Variants in ANKRD36B observed in about 807,000 individuals in gnomAD.
ANKRD36B encodes the protein ankyrin repeat domain-containing protein 36B.
ANKRD36B carries 37 observed loss-of-function variants against 135.7 expected under a neutral mutation model. The observed-to-expected ratio is 0.27, with a 90% CI of 0.21 to 0.36. The LOEUF is 0.36. Among genes scored for constraint, ANKRD36B ranks in the 10% least tolerant of loss-of-function variants. ANKRD36B has a pLI of 1.00. For synonymous variants in ANKRD36B, 179 were observed against 348.1 expected (o/e 0.51, Z 5.41); for missense variants, 549 against 1,037.1 (o/e 0.53, Z 6.46).
chr2:97,574,655 T>C (rs1277912507), intron 6 of ANKRD36B, among the ~76,000 whole-genome samples: 1 of 152,184 alleles, frequency 6.6e-6, no homozygotes, highest in Non-Finnish European at 1.5e-5. Flanking sequence ...GATTCCATGT[T>C]GGAGAGAGTC....
At chr2:97,569,927 ATTTT>A (rs965817440) in intron 6 of ANKRD36B, among the ~76,000 whole-genome samples, 1 of 152,124 alleles carries the variant, frequency 6.6e-6, no homozygotes, top group Non-Finnish European at 1.5e-5. Flanking sequence ...TAAATGATTG[ATTTT>A]TTTAATTTCA....
chr2:97,563,824 C>G (rs1173110931), intron 6 of ANKRD36B, among the ~76,000 whole-genome samples: 1 of 152,084 alleles, frequency 6.6e-6, no homozygotes, highest in Non-Finnish European at 1.5e-5. Context: ...TAATACAAAT[C>G]AATAAAAGCA....
intron 12 of ANKRD36B, 109 bp from the exon 13 acceptor site, chr2:97,555,363 A>G (rs1299125883): frequency 6.7e-7 from 1 of 1,497,052 alleles, no homozygotes; most frequent in Non-Finnish European, 9.1e-7. Context: ...GTATTAGTAT[A>G]GGCTTTGATT....
At chr2:97,581,364 T>C (rs1315650340) in intron 3 of ANKRD36B, among the ~76,000 whole-genome samples, 5 of 152,000 alleles carry the variant, frequency 3.3e-5, no homozygotes, top group African/African-American at 9.7e-5. Context: ...GACATTGTCA[T>C]CTGAGATTCT....
At chr2:97,553,097 A>G (rs2080209508) in intron 16 of ANKRD36B, 71 bp downstream of exon 16, 6 of 1,547,840 alleles carry the variant, frequency 3.9e-6, no homozygotes. Flanking sequence ...CCCTGCGCTG[A>G]TTTATTAGGG....
chr2:97,585,920 T>C (rs1444071554), intron 1 of ANKRD36B, among the ~76,000 whole-genome samples: 1 of 152,250 alleles, frequency 6.6e-6, no homozygotes, highest in African/African-American at 2.4e-5. Context: ...CTCACTATTC[T>C]CTTATATAAG....
intron 38 of ANKRD36B, 91 bp downstream of exon 38, chr2:97,513,089 C>T (rs1307314513): frequency 1.5e-6 from 2 of 1,366,548 alleles, no homozygotes; most frequent in Non-Finnish European, 1.9e-6. Context: ...GGGGATTGTT[C>T]AGGCCTAAAT....
Position 97,551,482 on chromosome 2 carries a change from TG to T in ANKRD36B, c.1274-3del. 6.2e-7 allele frequency: 1 copy of T among 1,607,778 alleles called. No homozygotes were observed. The highest frequency in any genetic ancestry group is 1.3e-5 in the African/African-American group (1 of 74,798). On this transcript the variant is annotated splice_polypyrimidine_tract_variant and splice_region_variant and intron_variant, in intron 16 of 43. Transcript: ENST00000359901. Reference sequence around the variant, plus strand: ...AGGCTGGTTTTTTCTGAGAAGACACTGAAAAGCAAAAGGGATACATAATCAC... The same window carrying T: ...AGGCTGGTTTTTTCTGAGAAGACACTAAAAGCAAAAGGGATACATAATCAC...
At chr2:97,575,215 G>A (rs1407259497) in intron 6 of ANKRD36B, among the ~76,000 whole-genome samples, 1 of 151,878 alleles carries the variant, frequency 6.6e-6, no homozygotes, top group Admixed American at 6.6e-5. Context: ...CTGGGGGTGG[G>A]GAGGGAAAGT....
rs1245411979 is a variant in ANKRD36B, at chr2:97,557,114, G to A, written c.986C>T (p.Ser329Leu). Reference sequence around the variant, plus strand: ...TGAAAGAGTAACTACCTTCTGGGCCGATTGTTTCTGAGGAGACACTGAAAA... The same window carrying A: ...TGAAAGAGTAACTACCTTCTGGGCCAATTGTTTCTGAGGAGACACTGAAAA... ...QSGTVSPQKQ[S>L]AQKVIFKKKV... The change falls in exon 11 of 44, where the codon TCG (serine) becomes TTG (leucine). Residue 329 changes from serine (S) to leucine (L), a missense_variant. Physicochemically the swap from Ser to Leu is moderately radical, Grantham distance 145 (BLOSUM62 -2). Coordinates refer to ENST00000359901, the MANE Select transcript of ANKRD36B (RefSeq NM_001393939.1). 20 of 1,542,168 alleles carry A rather than the reference G, an allele frequency of 1.3e-5. No individual in the cohort carries two copies. Among genetic ancestry groups the A allele is most frequent in the East Asian group, 2.4e-5 (1 of 40,840 alleles).
intron 6 of ANKRD36B, among the ~76,000 whole-genome samples, chr2:97,566,653 A>C (rs6745810): frequency 0.56 from 84,543 of 151,834 alleles, 25,166 homozygotes; most frequent in Non-Finnish European, 0.67. Context: ...AGAAAATGGC[A>C]TCATTAGTAG....
At chr2:97,551,683 C>A (rs2080085024) in intron 16 of ANKRD36B, among the ~76,000 whole-genome samples, 2 of 151,874 alleles carry the variant, frequency 1.3e-5, no homozygotes, top group Admixed American at 6.6e-5. Context: ...TATACCCCTG[C>A]AATTTCAAAC....
At chr2:97,572,496 ATTTGAAAATTTAAAAGACATTTAAAG>A (rs1277477357) in intron 6 of ANKRD36B, among the ~76,000 whole-genome samples, 1 of 125,194 alleles carries the variant, frequency 8.0e-6, no homozygotes, top group African/African-American at 2.7e-5. Context: ...TCTTAACTTA[ATTTGAAAATTTAAAAGACATTTAAAG>A]TTTGAAAATT....
rs9677087 is a variant in ANKRD36B at position 97,553,081 on chromosome 2, C to T, written c.1273+87G>A. On this transcript the variant is annotated intron_variant, in intron 16 of 43. Coordinates refer to ENST00000359901, the MANE Select transcript of ANKRD36B (RefSeq NM_001393939.1). ...GAATGTGCAGCTTCAGCGAGCCCCC[C>T]ACCCGCCCTGCGCTGATTTATTAGG... is the stretch of plus-strand genomic sequence containing the variant. 19 of 1,492,226 alleles carry T rather than the reference C, an allele frequency of 1.3e-5. No individual in the cohort carries two copies. In the Admixed American group the frequency reaches 2.9e-4, roughly 23 times the overall value. 92.4% of individuals were successfully genotyped at this position (1,492,226 alleles called of 1,614,324 possible).
intron 10 of ANKRD36B, 131 bp from the exon 11 acceptor site, chr2:97,557,263 G>C: frequency 7.4e-7 from 1 of 1,359,122 alleles, no homozygotes; most frequent in Non-Finnish European, 9.8e-7. Context: ...TTTACAGTTT[G>C]TGTCTTTGGG....
At chr2:97,551,249 C>G in intron 18 of ANKRD36B, 40 bp downstream of exon 18, 1 of 1,537,722 alleles carries the variant, frequency 6.5e-7, no homozygotes, top group Non-Finnish European at 8.7e-7. Context: ...AACTTCTTAT[C>G]TGGACTGAAC....
intron 3 of ANKRD36B, among the ~76,000 whole-genome samples, chr2:97,582,278 A>G (rs2082682376): frequency 6.6e-6 from 1 of 152,174 alleles, no homozygotes; most frequent in Admixed American, 6.5e-5. Context: ...ACCACCATCT[A>G]AATTCAAAAG....
At chr2:97,530,706 C>G (rs1220086923) in intron 35 of ANKRD36B, among the ~76,000 whole-genome samples, 2 of 96,422 alleles carry the variant, frequency 2.1e-5, no homozygotes, top group East Asian at 4.7e-4. Flanking sequence ...AACAAATTTA[C>G]AAGAAAAAAA....
intron 6 of ANKRD36B, among the ~76,000 whole-genome samples, chr2:97,565,536 G>A (rs569159865): frequency 4.5e-4 from 69 of 152,280 alleles, no homozygotes; most frequent in African/African-American, 1.4e-3. Context: ...CAAAAAGTGG[G>A]CAAAGGATAT....
Sources: gnomAD v4.1 joint callset for allele counts (sites outside exome capture counted in the v4.1 genomes callset) on GRCh38, gnomAD v4.1.1 for gene constraint, MANE v1.5 for transcripts, NCBI Gene and HGNC (gene_info 2026-07-23, HGNC 2026-07-21) for gene names.